Variants in CDC42SE2 observed in about 807,000 individuals in gnomAD.
CDC42SE2 encodes CDC42 small effector 2.
A neutral mutation model predicts 11.5 loss-of-function variants in CDC42SE2; 3 were observed. The ratio of observed to expected loss-of-function variants is 0.26; its 90% CI spans 0.12 to 0.67. CDC42SE2 has a LOEUF of 0.67. CDC42SE2 is among the 30% of genes least tolerant of loss of function. CDC42SE2 has a pLI of 0.80. For synonymous variants in CDC42SE2, 33 were observed against 34.8 expected, an observed-to-expected ratio of 0.95 and a Z score of 0.18; for missense variants, 82 against 106.8, an observed-to-expected ratio of 0.77 and a Z score of 1.02.
chr5:131,235,675 A>G, the CDC42SE2 span, among the ~76,000 whole-genome samples: 1 of 151,108 alleles, frequency 6.6e-6, no homozygotes, highest in South Asian at 2.1e-4. Context: ...GCTCACTGCA[A>G]TCTCCACCTC....
chr5:131,294,140 C>T (rs935584655), intron 1 of CDC42SE2, among the ~76,000 whole-genome samples: 3 of 152,058 alleles, frequency 2.0e-5, no homozygotes, highest in Non-Finnish European at 4.4e-5. Flanking sequence ...TTGAAAAGTA[C>T]GCACAATATT....
chr5:131,303,459 A>T (rs1757723416), intron 1 of CDC42SE2, among the ~76,000 whole-genome samples: 1 of 152,220 alleles, frequency 6.6e-6, no homozygotes, highest in South Asian at 2.1e-4. Flanking sequence ...TTACTGGAAG[A>T]CCTATGCCTT....
At chr5:131,258,572 T>C (rs1237482202) in intron 2 of CDC42SE2, among the ~76,000 whole-genome samples, 1 of 152,080 alleles carries the variant, frequency 6.6e-6, no homozygotes, top group South Asian at 2.1e-4. Context: ...GGCTATGTAT[T>C]GAAGCTAGCC....
At chr5:131,312,573 T>G (rs2149726003) in intron 1 of CDC42SE2, among the ~76,000 whole-genome samples, 1 of 152,318 alleles carries the variant, frequency 6.6e-6, no homozygotes, top group African/African-American at 2.4e-5. Context: ...CTCAGTCTGC[T>G]GTGCTAGCAA....
the CDC42SE2 span, among the ~76,000 whole-genome samples, chr5:131,235,478 C>T: frequency 4.0e-5 from 6 of 150,902 alleles, no homozygotes; most frequent in East Asian, 1.2e-3. Context: ...TTAGTAGAGA[C>T]GGGGTTTCAC....
At chr5:131,324,131 T>A (rs1758249919) in intron 2 of CDC42SE2, among the ~76,000 whole-genome samples, 1 of 152,214 alleles carries the variant, frequency 6.6e-6, no homozygotes, top group African/African-American at 2.4e-5. Flanking sequence ...GAGTACCTAT[T>A]TTTTCTTCCA....
intron 2 of CDC42SE2, among the ~76,000 whole-genome samples, chr5:131,343,802 GA>G (rs1334267680): frequency 6.6e-6 from 1 of 151,964 alleles, no homozygotes; most frequent in Non-Finnish European, 1.5e-5. Flanking sequence ...GATTATTAAA[GA>G]GAGGGAAAGA....
At chr5:131,343,589 A>G (rs773563785) in intron 2 of CDC42SE2, among the ~76,000 whole-genome samples, 3 of 151,982 alleles carry the variant, frequency 2.0e-5, no homozygotes, top group Non-Finnish European at 2.9e-5. Flanking sequence ...GTGCATGCCT[A>G]TAATCCTAGC....
chr5:131,220,802 A>G, the CDC42SE2 span, among the ~76,000 whole-genome samples: 2,251 of 151,688 alleles, frequency 0.015, 53 homozygotes, highest in African/African-American at 0.053. Context: ...GTCTATGCAC[A>G]TTTGACCACA....
intron 1 of CDC42SE2, among the ~76,000 whole-genome samples, chr5:131,249,558 C>T (rs1175109558): frequency 6.6e-6 from 1 of 152,156 alleles, no homozygotes; most frequent in East Asian, 1.9e-4. Flanking sequence ...CAGGAAGAAA[C>T]TGGATTCCTA....
chr5:131,298,017 G>T (rs931594157), intron 1 of CDC42SE2, among the ~76,000 whole-genome samples: 7 of 151,996 alleles, frequency 4.6e-5, no homozygotes, highest in African/African-American at 1.7e-4. Context: ...TGTAAAATAG[G>T]CAGTTAAATC....
the CDC42SE2 span, among the ~76,000 whole-genome samples, chr5:131,236,312 T>G: frequency 2.0e-5 from 3 of 152,216 alleles, no homozygotes; most frequent in Non-Finnish European, 2.9e-5. Context: ...ATAAATATTC[T>G]TCCATATTTT....
At chr5:131,351,669 G>A (rs945757084) in intron 2 of CDC42SE2, among the ~76,000 whole-genome samples, 2 of 151,974 alleles carry the variant, frequency 1.3e-5, no homozygotes, top group East Asian at 1.9e-4. Flanking sequence ...CCTTTATACT[G>A]TCAAAAACTA....
At chr5:131,390,939 C>T (rs1003029585) in intron 4 of CDC42SE2, 54 bp from the exon 5 acceptor site, 45 of 1,161,894 alleles carry the variant, frequency 3.9e-5, no homozygotes, top group East Asian at 2.6e-5. Flanking sequence ...TTAGTTGCAC[C>T]GGACCTACTT....
the CDC42SE2 span, among the ~76,000 whole-genome samples, chr5:131,225,623 A>G: frequency 6.6e-6 from 1 of 152,182 alleles, no homozygotes; most frequent in Admixed American, 6.5e-5. Flanking sequence ...ATGTTCCGCC[A>G]AGGCTCCTTT....
chr5:131,383,487 T>G (rs897446513), intron 3 of CDC42SE2, among the ~76,000 whole-genome samples: 3 of 152,156 alleles, frequency 2.0e-5, no homozygotes, highest in Admixed American at 1.3e-4. Context: ...TGTTATAGAC[T>G]TATAATTTAT....
At chr5:131,230,711 C>T in the CDC42SE2 span, among the ~76,000 whole-genome samples, 9 of 152,264 alleles carry the variant, frequency 5.9e-5, no homozygotes, top group African/African-American at 1.4e-4. Flanking sequence ...GGAAAGAAAC[C>T]GAAAACTAAA....
At chr5:131,321,620 T>C (rs540460169) in intron 2 of CDC42SE2, among the ~76,000 whole-genome samples, 1 of 152,216 alleles carries the variant, frequency 6.6e-6, no homozygotes, top group East Asian at 1.9e-4. Context: ...ATTCATAAAG[T>C]ATCTGTGAAA....
intron 2 of CDC42SE2, among the ~76,000 whole-genome samples, chr5:131,329,994 T>C (rs1156980294): frequency 6.6e-6 from 1 of 150,714 alleles, no homozygotes; most frequent in African/African-American, 2.4e-5. Flanking sequence ...CCAACAATTA[T>C]TCTATTATAT....
Sources: allele counts gnomAD v4.1 joint callset (sites outside exome capture counted in the v4.1 genomes callset), GRCh38; gene constraint gnomAD v4.1.1; transcripts MANE v1.5; gene names NCBI Gene and HGNC (gene_info 2026-07-23, HGNC 2026-07-21).